The following NAV2 variants were observed in gnomAD, a reference collection of about 807,000 sequenced individuals.
The protein encoded by NAV2 is neuron navigator 2, also known as helicase, APC down-regulated 1.
Under a neutral mutation model 223.2 loss-of-function variants are expected in NAV2, and 54 were observed. The ratio of observed to expected loss-of-function variants is 0.24; its 90% CI spans 0.19 to 0.30. The LOEUF (loss-of-function observed/expected upper bound fraction) is 0.30, where lower values mean the gene tolerates loss of function less well. NAV2 is among the 10% of genes least tolerant of loss of function. The probability of loss-of-function intolerance (pLI) is 1.00; values close to 1 mark genes in which losing one functional copy is unlikely to be tolerated. For missense variants in NAV2, 2,806 were observed against 3,147.5 expected, an observed-to-expected ratio of 0.89 and a Z score of 2.60; for synonymous variants, 1,279 against 1,239.3, an observed-to-expected ratio of 1.03 and a Z score of -0.67.
intron 1 of NAV2, among the ~76,000 whole-genome samples, chr11:19,670,478 C>G (rs1429144213): frequency 6.6e-6 from 1 of 152,214 alleles, no homozygotes; most frequent in Non-Finnish European, 1.5e-5. Context: ...TCAGGGAACC[C>G]CGCGGAGAGG....
At chr11:19,624,267 T>C (rs891820547) in intron 1 of NAV2, among the ~76,000 whole-genome samples, 3 of 152,316 alleles carry the variant, frequency 2.0e-5, no homozygotes, top group African/African-American at 7.2e-5. Context: ...AACTCCATGC[T>C]GGGAGTACCA....
rs1047073678 is a variant in NAV2, at chr11:19,891,310, A to G, written c.771-1124A>G. Among the ~76,000 whole-genome samples, 21 of 152,198 alleles carry G rather than the reference A, an allele frequency of 1.4e-4. 1 individual carries two copies. The highest frequency in any genetic ancestry group is 1.2e-3 in the Admixed American group (19 of 15,282). ...AGCTAAGTGGATTTCAAGCTGAAAG[A>G]TATAACTAAACATTTCATCATTTAT... On this transcript the variant is annotated intron_variant, in intron 5 of 37. Transcript: ENST00000349880.
intron 25 of NAV2, 145 bp downstream of exon 25, chr11:20,080,354 A>G (rs2060013720): frequency 4.2e-6 from 3 of 718,172 alleles, no homozygotes; most frequent in Non-Finnish European, 6.8e-6. Flanking sequence ...TGGTTTGTGG[A>G]TGGGTTTTTA....
chr11:19,346,029 G>C (rs984088846), upstream of NAV2, among the ~76,000 whole-genome samples: 1 of 151,772 alleles, frequency 6.6e-6, no homozygotes, highest in Admixed American at 6.5e-5. Context: ...TTTTCGGTCT[G>C]TGTGTCCTCC....
intron 11 of NAV2, among the ~76,000 whole-genome samples, chr11:19,990,445 C>T (rs867102380): frequency 9.2e-5 from 14 of 152,300 alleles, no homozygotes; most frequent in Middle Eastern, 3.4e-3. Flanking sequence ...TAGAGGTTCT[C>T]TACCCAGAGC....
At chr11:19,408,057 C>T (rs984983226) in intron 1 of NAV2, among the ~76,000 whole-genome samples, 25 of 152,156 alleles carry the variant, frequency 1.6e-4, no homozygotes, top group African/African-American at 6.0e-4. Flanking sequence ...AGCCCAGTGC[C>T]GTCAGTTCCC....
At chr11:19,504,417 A>T (rs2043057618) in intron 1 of NAV2, 2 of 152,228 alleles carry the variant, frequency 1.3e-5, no homozygotes, top group African/African-American at 4.8e-5. Flanking sequence ...TCCAAGCCTG[A>T]TGGAAGAGGG....
chr11:19,400,327 CTGG>C (rs1849630708), intron 1 of NAV2, among the ~76,000 whole-genome samples: 1 of 152,174 alleles, frequency 6.6e-6, no homozygotes, highest in African/African-American at 2.4e-5. Context: ...GGTAGAACCT[CTGG>C]TGGTGGGCTT....
At chr11:20,092,788 T>C (rs1467294079) in intron 28 of NAV2, among the ~76,000 whole-genome samples, 1 of 152,168 alleles carries the variant, frequency 6.6e-6, no homozygotes, top group East Asian at 1.9e-4. Flanking sequence ...TAGGTTTTCT[T>C]TGTAAGCGTA....
chr11:19,852,904 CTGTG>C (rs1305601836), intron 3 of NAV2, among the ~76,000 whole-genome samples: 14 of 152,314 alleles, frequency 9.2e-5, no homozygotes, highest in Admixed American at 3.3e-4. Context: ...TTTGAGCGCA[CTGTG>C]TAAGTTTAAG....
chr11:19,724,679 C>T (rs1428498015), intron 1 of NAV2, among the ~76,000 whole-genome samples: 2 of 152,224 alleles, frequency 1.3e-5, no homozygotes, highest in Admixed American at 6.5e-5. Context: ...TTAAGTCTCA[C>T]AAGGGCACTG....
chr11:20,034,077 T>C (rs1005345268), intron 11 of NAV2, among the ~76,000 whole-genome samples: 1 of 152,288 alleles, frequency 6.6e-6, no homozygotes, highest in Non-Finnish European at 1.5e-5. Context: ...GTGCTGAGAA[T>C]TGACATAATA....
chr11:19,723,389 G>T (rs533136598), intron 1 of NAV2, among the ~76,000 whole-genome samples: 1 of 32,052 alleles, frequency 3.1e-5, no homozygotes, highest in East Asian at 5.1e-4. Context: ...GGTATAGACA[G>T]TGTGTGGCAG....
At chr11:19,761,562 A>T (rs1474461724) in intron 1 of NAV2, among the ~76,000 whole-genome samples, 4 of 152,188 alleles carry the variant, frequency 2.6e-5, no homozygotes, top group Non-Finnish European at 4.4e-5. Flanking sequence ...AGGTGAGGAC[A>T]TCTGTGGCTT....
At chr11:19,443,147 C>T (rs1851464977) in intron 1 of NAV2, among the ~76,000 whole-genome samples, 1 of 152,212 alleles carries the variant, frequency 6.6e-6, no homozygotes, top group African/African-American at 2.4e-5. Context: ...TTACCTTGTC[C>T]TGCTGCCACC....
chr11:19,938,780 C>T (rs182432305), intron 7 of NAV2, among the ~76,000 whole-genome samples: 2 of 152,212 alleles, frequency 1.3e-5, no homozygotes, highest in Admixed American at 6.5e-5. Context: ...ACGATGGCCT[C>T]AGTAGGAAGA....
intron 1 of NAV2, among the ~76,000 whole-genome samples, chr11:19,570,314 G>A (rs558397055): frequency 6.6e-6 from 1 of 152,294 alleles, no homozygotes; most frequent in African/African-American, 2.4e-5. Context: ...CCCAGAGGAT[G>A]TCAAGAAGAT....
At chr11:19,661,566 T>C (rs541701836) in intron 1 of NAV2, among the ~76,000 whole-genome samples, 2 of 152,314 alleles carry the variant, frequency 1.3e-5, no homozygotes, top group African/African-American at 4.8e-5. Flanking sequence ...ACCTGGATTG[T>C]AATCCTGGCT....
chr11:19,741,410 C>T (rs2052783001), intron 1 of NAV2, among the ~76,000 whole-genome samples: 1 of 151,582 alleles, frequency 6.6e-6, no homozygotes, highest in South Asian at 2.1e-4. Context: ...CTATATCTCC[C>T]CATTCTTTCC....
Sources: gnomAD v4.1 joint callset for allele counts (sites outside exome capture counted in the v4.1 genomes callset) on GRCh38, gnomAD v4.1.1 for gene constraint, MANE v1.5 for transcripts, NCBI Gene and HGNC (gene_info 2026-07-23, HGNC 2026-07-21) for gene names.